Variants in HECW1 observed in about 807,000 individuals in gnomAD.
HECW1 encodes E3 ubiquitin-protein ligase HECW1.
HECW1 carries 61 observed loss-of-function variants against 182.3 expected under a neutral mutation model. The observed-to-expected ratio is 0.33, with a 90% CI of 0.27 to 0.41. The LOEUF is 0.41. Among genes scored for constraint, HECW1 ranks in the 10% least tolerant of loss-of-function variants. HECW1 has a pLI of 1.00. For missense variants in HECW1, 1,739 were observed against 2,108.9 expected, an observed-to-expected ratio of 0.82 and a Z score of 3.44; for synonymous variants, 859 against 832.6, an observed-to-expected ratio of 1.03 and a Z score of -0.55.
At chr7:43,218,504 G>A (rs1318896093) in intron 2 of HECW1, among the ~76,000 whole-genome samples, 1 of 152,216 alleles carries the variant, frequency 6.6e-6, no homozygotes, top group Non-Finnish European at 1.5e-5. Flanking sequence ...AAGGAAGCAA[G>A]GAATGGGGTA....
intron 2 of HECW1, among the ~76,000 whole-genome samples, chr7:43,171,887 T>C (rs1434212617): frequency 3.9e-5 from 6 of 152,200 alleles, no homozygotes. Context: ...ATGTTACTTG[T>C]GTGCTGTGAG....
intron 6 of HECW1, among the ~76,000 whole-genome samples, chr7:43,370,526 T>C (rs1382787603): frequency 6.6e-6 from 1 of 152,194 alleles, no homozygotes. Flanking sequence ...GTTGAAAACT[T>C]ATGTCCATAC....
At chr7:43,283,286 G>A (rs771499667) in intron 3 of HECW1, among the ~76,000 whole-genome samples, 1 of 151,968 alleles carries the variant, frequency 6.6e-6, no homozygotes, top group African/African-American at 2.4e-5. Context: ...ATTATCTCAC[G>A]AGTGAACACC....
chr7:43,513,148 G>T (rs2079962185), intron 24 of HECW1, among the ~76,000 whole-genome samples: 1 of 152,154 alleles, frequency 6.6e-6, no homozygotes, highest in Non-Finnish European at 1.5e-5. Flanking sequence ...TTCTACCAGG[G>T]TTAAGATTAA....
At chr7:43,146,433 A>G (rs929764585) in intron 2 of HECW1, among the ~76,000 whole-genome samples, 3 of 152,332 alleles carry the variant, frequency 2.0e-5, no homozygotes, top group African/African-American at 2.4e-5. Flanking sequence ...ATATGTATCA[A>G]TGCCATCACT....
chr7:43,227,767 A>G (rs1384665213), intron 2 of HECW1, among the ~76,000 whole-genome samples: 3 of 152,252 alleles, frequency 2.0e-5, no homozygotes, highest in African/African-American at 7.2e-5. Context: ...ATACGACTGT[A>G]TTTTAAAGCT....
chr7:43,276,912 G>A (rs1803228374), intron 3 of HECW1, among the ~76,000 whole-genome samples: 1 of 152,226 alleles, frequency 6.6e-6, no homozygotes, highest in Admixed American at 6.5e-5. Context: ...CTTAGAAAGT[G>A]CGTTCAGCAG....
At chr7:43,349,074 G>A (rs1814061629) in intron 5 of HECW1, among the ~76,000 whole-genome samples, 1 of 151,846 alleles carries the variant, frequency 6.6e-6, no homozygotes. Flanking sequence ...TGCTCTGGTT[G>A]CCCAGGCTGG....
At chr7:43,325,489 C>A (rs2152785189) in intron 5 of HECW1, among the ~76,000 whole-genome samples, 1 of 152,206 alleles carries the variant, frequency 6.6e-6, no homozygotes, top group Non-Finnish European at 1.5e-5. Context: ...TGATCTCTGG[C>A]CAAGATCTGC....
chr7:43,441,907 C>T (rs1702577685), intron 9 of HECW1, among the ~76,000 whole-genome samples: 1 of 152,262 alleles, frequency 6.6e-6, no homozygotes, highest in African/African-American at 2.4e-5. Flanking sequence ...TACCCTACCC[C>T]TGCTTTAGAA....
chr7:43,270,185 T>G (rs1802236619), intron 3 of HECW1, among the ~76,000 whole-genome samples: 1 of 152,226 alleles, frequency 6.6e-6, no homozygotes, highest in Non-Finnish European at 1.5e-5. Flanking sequence ...CAGCAATCAT[T>G]TAATAGTCTC....
At chr7:43,502,610 G>T (rs1343020783) in intron 21 of HECW1, among the ~76,000 whole-genome samples, 1 of 152,138 alleles carries the variant, frequency 6.6e-6, no homozygotes, top group African/African-American at 2.4e-5. Flanking sequence ...AGTGAACCGA[G>T]ATTGTGCCAC....
chr7:43,130,564 G>A (rs956647505), intron 2 of HECW1, among the ~76,000 whole-genome samples: 1 of 151,986 alleles, frequency 6.6e-6, no homozygotes, highest in African/African-American at 2.4e-5. Context: ...ACACTTATTC[G>A]CACTTCAGTA....
chr7:43,182,059 C>T (rs1792918736), intron 2 of HECW1, among the ~76,000 whole-genome samples: 1 of 152,150 alleles, frequency 6.6e-6, no homozygotes, highest in Non-Finnish European at 1.5e-5. Context: ...GCTGGGATTA[C>T]AGGCGTGAGC....
At chr7:43,182,968 T>A (rs1240755572) in intron 2 of HECW1, among the ~76,000 whole-genome samples, 1 of 152,218 alleles carries the variant, frequency 6.6e-6, no homozygotes, top group Non-Finnish European at 1.5e-5. Context: ...TTTTCTTGAT[T>A]ACTTTTTCAG....
intron 3 of HECW1, among the ~76,000 whole-genome samples, chr7:43,300,955 G>A (rs1806687884): frequency 6.6e-6 from 1 of 152,118 alleles, no homozygotes; most frequent in Non-Finnish European, 1.5e-5. Flanking sequence ...TAGACTTGAG[G>A]GACCACTTGA....
At chr7:43,308,223 AT>A (rs368069301) in intron 3 of HECW1, among the ~76,000 whole-genome samples, 11,114 of 87,530 alleles carry the variant, frequency 0.13, 1,095 homozygotes, top group Non-Finnish European at 0.15. Context: ...ATTATGATAT[AT>A]TTTTATATAA....
chr7:43,407,010 A>G (rs2152844548), intron 7 of HECW1, among the ~76,000 whole-genome samples: 1 of 152,056 alleles, frequency 6.6e-6, no homozygotes, highest in Non-Finnish European at 1.5e-5. Context: ...GACCTTGTGC[A>G]CACACACTCT....
chr7:43,380,756 T>G (rs1211962451), intron 6 of HECW1, among the ~76,000 whole-genome samples: 1 of 152,124 alleles, frequency 6.6e-6, no homozygotes, highest in Non-Finnish European at 1.5e-5. Context: ...CTCAAACTCC[T>G]GACCTCAGGT....
Sources: allele counts gnomAD v4.1 joint callset (sites outside exome capture counted in the v4.1 genomes callset), GRCh38; gene constraint gnomAD v4.1.1; transcripts MANE v1.5; gene names NCBI Gene and HGNC (gene_info 2026-07-23, HGNC 2026-07-21).